The following FSD1L variants were observed in gnomAD, a reference collection of about 807,000 sequenced individuals.
The protein encoded by FSD1L is fibronectin type III and SPRY domain containing 1 like, also known as FSD1-like protein.
FSD1L carries 45 observed loss-of-function variants against 71.6 expected under a neutral mutation model. That is an observed-to-expected ratio of 0.63 (90% CI 0.49 to 0.81). The LOEUF is 0.81. Ranked by LOEUF, FSD1L falls within the 30% of genes least tolerant of loss-of-function variation. The pLI, the probability that FSD1L is intolerant of heterozygous loss-of-function variation, is 0.00. For synonymous variants in FSD1L, 197 were observed against 207.2 expected (o/e 0.95, Z 0.42); for missense variants, 561 against 618.1 (o/e 0.91, Z 0.98).
intron 6 of FSD1L, among the ~76,000 whole-genome samples, chr9:105,481,349 A>G (rs1025064953): frequency 6.6e-5 from 10 of 150,802 alleles, no homozygotes; most frequent in Admixed American, 1.3e-4. Flanking sequence ...CAGTGGTGCA[A>G]TCTTGGCTCA....
At chr9:105,449,042 C>G (rs963415833) in intron 1 of FSD1L, among the ~76,000 whole-genome samples, 2 of 152,082 alleles carry the variant, frequency 1.3e-5, no homozygotes, top group African/African-American at 4.8e-5. Flanking sequence ...CTTTGTTAGA[C>G]TATAACGTAA....
At chr9:105,525,002 T>A in intron 10 of FSD1L, 1 of 1,575,730 alleles carries the variant, frequency 6.3e-7, no homozygotes, top group Non-Finnish European at 8.6e-7. Flanking sequence ...TGGAGGAGGT[T>A]TATCTGCTGG....
intron 3 of FSD1L, among the ~76,000 whole-genome samples, chr9:105,465,682 A>G (rs1181612586): frequency 1.3e-5 from 2 of 152,232 alleles, no homozygotes; most frequent in African/African-American, 2.4e-5. Context: ...AGATGCAGAA[A>G]AAGAATTTGA....
At chr9:105,484,255 C>T in intron 6 of FSD1L, 126 bp from the exon 7 acceptor site, 2 of 631,172 alleles carry the variant, frequency 3.2e-6, no homozygotes, top group Non-Finnish European at 4.7e-6. Context: ...TTCTATTTCA[C>T]TTTTAACTTT....
At chr9:105,495,184 C>G (rs559471636) in intron 7 of FSD1L, among the ~76,000 whole-genome samples, 50 of 152,330 alleles carry the variant, frequency 3.3e-4, no homozygotes, top group African/African-American at 1.2e-3. Context: ...CTTTGTTGAC[C>G]TAAGCAAGCC....
At chr9:105,468,527 C>T (rs558582501) in intron 4 of FSD1L, among the ~76,000 whole-genome samples, 11 of 146,302 alleles carry the variant, frequency 7.5e-5, no homozygotes, top group African/African-American at 2.5e-4. Context: ...TTTTTTGAGA[C>T]GGAGTCTCAC....
chr9:105,444,349 A>C (rs929329444), upstream of FSD1L, among the ~76,000 whole-genome samples: 4 of 152,192 alleles, frequency 2.6e-5, no homozygotes, highest in Non-Finnish European at 5.9e-5. Context: ...GAGGTTTAGC[A>C]AGGTAAGTGA....
intron 10 of FSD1L, chr9:105,513,704 T>C: frequency 8.2e-7 from 1 of 1,217,596 alleles, no homozygotes; most frequent in Non-Finnish European, 1.2e-6. Context: ...ACTTTAATTT[T>C]ATCTTTTAAC....
At chr9:105,460,454 C>T (rs751611333) in intron 1 of FSD1L, among the ~76,000 whole-genome samples, 6 of 151,790 alleles carry the variant, frequency 4.0e-5, no homozygotes, top group Middle Eastern at 3.4e-3. Context: ...TAGCCAGGCA[C>T]GGTAGCTTGC....
chr9:105,516,087 G>A (rs1834701207), intron 10 of FSD1L, among the ~76,000 whole-genome samples: 1 of 152,140 alleles, frequency 6.6e-6, no homozygotes, highest in Non-Finnish European at 1.5e-5. Context: ...TGGGAAGTTC[G>A]AACTAGGTAG....
Position 105,546,670 on chromosome 9 carries a change from G to A in FSD1L, c.*187G>A, listed in dbSNP as rs1429519797. The A allele has an allele frequency of 7.3e-6, 3 of 411,318 alleles. No individual in the cohort carries two copies. Among genetic ancestry groups the A allele is most frequent in the Non-Finnish European group, 1.3e-5 (3 of 239,808 alleles). 25.5% of individuals were successfully genotyped at this position (411,318 alleles called of 1,614,324 possible). On this transcript the variant is annotated 3_prime_UTR_variant, in exon 14 of 14. Coordinates refer to ENST00000481272, the MANE Select transcript of FSD1L (RefSeq NM_001145313.3). ...GAACCTACTGTGCAGTATCATAGAA[G>A]CAAGCAGATACCAAGCAAAAAACTG...
intron 10 of FSD1L, among the ~76,000 whole-genome samples, chr9:105,514,864 G>A (rs1161820419): frequency 1.3e-5 from 2 of 152,150 alleles, no homozygotes; most frequent in African/African-American, 4.8e-5. Flanking sequence ...AGTCAAGAAG[G>A]TGGGGAGTGA....
intron 4 of FSD1L, among the ~76,000 whole-genome samples, chr9:105,469,999 CCA>C (rs1831346692): frequency 6.6e-6 from 1 of 152,036 alleles, no homozygotes; most frequent in Non-Finnish European, 1.5e-5. Context: ...TTTCCTAGCA[CCA>C]TTTATTGAAG....
intron 4 of FSD1L, among the ~76,000 whole-genome samples, chr9:105,469,339 C>T (rs1831284757): frequency 6.6e-6 from 1 of 151,240 alleles, no homozygotes; most frequent in African/African-American, 2.4e-5. Context: ...TCTGAGGACC[C>T]TCTATATAAT....
intron 1 of FSD1L, 93 bp downstream of exon 1, chr9:105,448,328 G>T (rs891519727): frequency 2.5e-6 from 3 of 1,201,666 alleles, no homozygotes; most frequent in Admixed American, 3.7e-5. Context: ...TGGGTGCGCG[G>T]GGTGGGCCTG....
Position 105,455,610 on chromosome 9 carries a change from G to A in FSD1L, c.16-5910G>A, listed in dbSNP as rs374100223. ...GTACAGGCTCTGGAGGCAACCTCCT[G>A]GATTTGAAAAGCAGAGGTTCTGGGG... is the stretch of plus-strand genomic sequence containing the variant. On this transcript the variant is annotated intron_variant, in intron 1 of 13. Transcript: ENST00000481272. 9.2e-5 allele frequency among the ~76,000 whole-genome samples: 14 copies of A among 152,268 alleles called. No individual in the cohort carries two copies. In the East Asian group the frequency reaches 1.5e-3, roughly 17 times the overall value.
At chr9:105,468,576 C>T (rs1416060682) in intron 4 of FSD1L, among the ~76,000 whole-genome samples, 1 of 151,032 alleles carries the variant, frequency 6.6e-6, no homozygotes, top group Non-Finnish European at 1.5e-5. Flanking sequence ...TTCATTGCAA[C>T]CTCTGCCTCC....
chr9:105,510,605 A>G (rs1157240321), intron 9 of FSD1L, among the ~76,000 whole-genome samples: 3 of 152,316 alleles, frequency 2.0e-5, no homozygotes, highest in South Asian at 4.1e-4. Flanking sequence ...GGTTCTTGAT[A>G]TGGAAAATAG....
intron 11 of FSD1L, 63 bp from the exon 12 acceptor site, chr9:105,535,004 A>C (rs1836176894): frequency 1.3e-6 from 2 of 1,500,072 alleles, no homozygotes; most frequent in African/African-American, 2.8e-5. Flanking sequence ...GACGAGTGGT[A>C]GGTAAAACTG....
Sources: gnomAD v4.1 joint callset for allele counts (sites outside exome capture counted in the v4.1 genomes callset) on GRCh38, gnomAD v4.1.1 for gene constraint, MANE v1.5 for transcripts, NCBI Gene and HGNC (gene_info 2026-07-23, HGNC 2026-07-21) for gene names.